DLEU7: variants seen among roughly 807,000 people sequenced by gnomAD.
DLEU7 encodes the protein leukemia-associated protein 7.
DLEU7 carries 17 observed loss-of-function variants against 16.0 expected under a neutral mutation model. The ratio of observed to expected loss-of-function variants is 1.06; its 90% CI spans 0.73 to 1.59. The LOEUF (loss-of-function observed/expected upper bound fraction) is 1.59. Ranked by LOEUF, DLEU7 falls within the 40% of genes most tolerant of loss-of-function variation. The pLI is 0.00. For synonymous variants in DLEU7, 113 were observed against 139.8 expected (o/e 0.81, Z 1.35); for missense variants, 308 against 314.9 (o/e 0.98, Z 0.17).
chr13:50,714,652 G>A (rs563269636), intron 1 of DLEU7, among the ~76,000 whole-genome samples: 1 of 152,166 alleles, frequency 6.6e-6, no homozygotes, highest in South Asian at 2.1e-4. Flanking sequence ...TAATGAGGAC[G>A]GCAAGGATTT....
At chr13:50,769,531 T>A (rs1023245577) in intron 1 of DLEU7, among the ~76,000 whole-genome samples, 4 of 152,202 alleles carry the variant, frequency 2.6e-5, no homozygotes, top group Admixed American at 6.5e-5. Flanking sequence ...CCAGCACCAT[T>A]TATTAAATAG....
intron 1 of DLEU7, among the ~76,000 whole-genome samples, chr13:50,729,476 A>G (rs1016901351): frequency 6.6e-6 from 1 of 152,212 alleles, no homozygotes; most frequent in African/African-American, 2.4e-5. Context: ...TATTGTGAAC[A>G]GTGCCACAAT....
intron 1 of DLEU7, among the ~76,000 whole-genome samples, chr13:50,833,800 C>G (rs1230440570): frequency 1.3e-5 from 2 of 152,112 alleles, no homozygotes; most frequent in African/African-American, 4.8e-5. Flanking sequence ...TACTACAAGG[C>G]TACAGTAATC....
rs189099250 is a variant in DLEU7, at chr13:50,822,991, A to G, written c.*323T>C. 811 of 913,108 alleles carry G rather than the reference A, an allele frequency of 8.9e-4. 1 individual carries two copies. The highest frequency in any genetic ancestry group is 1.0e-3 in the Non-Finnish European group (756 of 750,454). 56.6% of individuals were successfully genotyped at this position (913,108 alleles called of 1,614,324 possible). On this transcript the variant is annotated 3_prime_UTR_variant, in exon 2 of 2. Transcript: ENST00000504404. ...CATTAATATGAATACAAATTAAGGT[A>G]TCATTCAATAAAAACTAATAATATG...
chr13:50,713,058 C>A, exon 2 of DLEU7: 1 of 718,146 alleles, frequency 1.4e-6, no homozygotes, highest in Non-Finnish European at 2.3e-6. Context: ...CCACAGAGAC[C>A]ATGCAATTGG....
At chr13:50,787,285 G>A (rs1393999325) in intron 1 of DLEU7, among the ~76,000 whole-genome samples, 1 of 152,172 alleles carries the variant, frequency 6.6e-6, no homozygotes, top group African/African-American at 2.4e-5. Context: ...GCTCAGAAAT[G>A]TTACTGTTAG....
At chr13:50,725,325 T>C (rs1226234029) in intron 1 of DLEU7, among the ~76,000 whole-genome samples, 3 of 152,200 alleles carry the variant, frequency 2.0e-5, no homozygotes, top group African/African-American at 7.2e-5. Context: ...TGCTCTAACC[T>C]GCTTTGATCC....
At chr13:50,810,899 G>A (rs1453227077) in intron 1 of DLEU7, among the ~76,000 whole-genome samples, 1 of 152,138 alleles carries the variant, frequency 6.6e-6, no homozygotes, top group African/African-American at 2.4e-5. Flanking sequence ...TAATGATCTT[G>A]ACCCCAGAAA....
chr13:50,741,702 C>T (rs946654698), intron 1 of DLEU7, among the ~76,000 whole-genome samples: 2 of 151,974 alleles, frequency 1.3e-5, no homozygotes, highest in Admixed American at 1.3e-4. Context: ...TTGAGGAGAG[C>T]TTTCTCAATT....
At chr13:50,774,289 TC>T (rs1208088860) in intron 1 of DLEU7, among the ~76,000 whole-genome samples, 1 of 152,086 alleles carries the variant, frequency 6.6e-6, no homozygotes, top group Non-Finnish European at 1.5e-5. Context: ...GTCCAACCAG[TC>T]CCAGTGAGAT....
intron 1 of DLEU7, among the ~76,000 whole-genome samples, chr13:50,748,228 CTTTTTTTTTT>C (rs71085044): frequency 8.2e-4 from 73 of 89,260 alleles, no homozygotes; most frequent in African/African-American, 2.7e-3. Flanking sequence ...ACTCCTTAAA[CTTTTTTTTTT>C]TTTTTTTTTT....
intron 1 of DLEU7, among the ~76,000 whole-genome samples, chr13:50,729,649 G>A (rs1438689684): frequency 1.3e-5 from 2 of 152,176 alleles, no homozygotes; most frequent in African/African-American, 2.4e-5. Context: ...AATACAGTGT[G>A]TAAGCAGAGT....
In DLEU7 at chr13:50,813,147, G is replaced by A. The variant is rs570291664; in HGVS notation, c.459+30041C>T. 22 of 152,144 alleles carry A rather than the reference G, an allele frequency of 1.4e-4. 1 individual carries two copies. In the East Asian group the frequency reaches 3.3e-3, roughly 23 times the overall value. The allele number at this position is 152,144 out of a possible 1,614,324, so 9.4% of individuals were successfully genotyped here. A position where few individuals can be genotyped will look rare whatever the true frequency, so the allele number is the denominator to read the frequency against. ...TAATGCATGGATACCAGAACTCTTT[G>A]GTGTCTAGTTTGAGAGCTGTGTCAT... On this transcript the variant is annotated intron_variant, in intron 1 of 1. Transcript: ENST00000400393.
intron 1 of DLEU7, among the ~76,000 whole-genome samples, chr13:50,826,054 C>T (rs1236814782): frequency 6.7e-6 from 1 of 148,784 alleles, no homozygotes; most frequent in Non-Finnish European, 1.5e-5. Flanking sequence ...GTTCCCCACC[C>T]GGTGTCCAGG....
At position 50,802,301 on chromosome 13, in the gene DLEU7, A is replaced by G. The variant is rs61455461; in HGVS notation, c.459+40887T>C. Among the ~76,000 whole-genome samples, 259 of 152,250 alleles carry G rather than the reference A, an allele frequency of 1.7e-3. 1 individual carries two copies. The highest frequency in any genetic ancestry group is 6.1e-3 in the African/African-American group (255 of 41,544). ...AAGGTACAATCAAGTTAAGAGAGCA[A>G]TTGGTGAAAGAGATTATGATTTGGA... On this transcript the variant is annotated intron_variant, in intron 1 of 1. Transcript: ENST00000400393.
chr13:50,751,431 G>A (rs1278441477), intron 1 of DLEU7, among the ~76,000 whole-genome samples: 2 of 152,154 alleles, frequency 1.3e-5, no homozygotes, highest in Non-Finnish European at 2.9e-5. Flanking sequence ...GTATTAGGGT[G>A]ATGCTGGCCT....
chr13:50,811,286 G>A (rs1570603), intron 1 of DLEU7, among the ~76,000 whole-genome samples: 88,621 of 151,920 alleles, frequency 0.58, 26,142 homozygotes, highest in African/African-American at 0.66. Flanking sequence ...ACCGAGGGAA[G>A]GCCTTTAGAA....
intron 1 of DLEU7, among the ~76,000 whole-genome samples, chr13:50,770,631 C>T (rs968509697): frequency 2.0e-5 from 3 of 152,174 alleles, no homozygotes; most frequent in African/African-American, 7.2e-5. Context: ...CCAACTTGAT[C>T]GTGGTGGATA....
At chr13:50,714,473 C>G (rs1477892141) in intron 1 of DLEU7, among the ~76,000 whole-genome samples, 5 of 152,118 alleles carry the variant, frequency 3.3e-5, no homozygotes, top group Non-Finnish European at 7.3e-5. Flanking sequence ...GAGACTTTTC[C>G]TGTTTTCTCA....
Sources: allele counts gnomAD v4.1 joint callset (sites outside exome capture counted in the v4.1 genomes callset), GRCh38; gene constraint gnomAD v4.1.1; transcripts MANE v1.5; gene names NCBI Gene and HGNC (gene_info 2026-07-23, HGNC 2026-07-21).